Variants in ITPR2 observed in about 807,000 individuals in gnomAD.
The protein encoded by ITPR2 is inositol 1,4,5-trisphosphate receptor type 2.
A neutral mutation model predicts 317.1 loss-of-function variants in ITPR2; 207 were observed. That is an observed-to-expected ratio of 0.65 (90% CI 0.58 to 0.73). The LOEUF (loss-of-function observed/expected upper bound fraction) is 0.73. Ranked by LOEUF, ITPR2 falls within the 30% of genes least tolerant of loss-of-function variation. ITPR2 has a pLI of 0.00. For synonymous variants in ITPR2, 1,156 were observed against 1,149.1 expected, an observed-to-expected ratio of 1.01 and a Z score of -0.12; for missense variants, 2,613 against 3,284.0, an observed-to-expected ratio of 0.80 and a Z score of 4.99.
At chr12:26,730,414 A>T (rs567876455) in intron 2 of ITPR2, among the ~76,000 whole-genome samples, 2 of 152,312 alleles carry the variant, frequency 1.3e-5, no homozygotes, top group South Asian at 4.1e-4. Context: ...ATGGAGTTCA[A>T]TCAGAAATTG....
chr12:26,355,023 A>C (rs1938589349), intron 55 of ITPR2, among the ~76,000 whole-genome samples: 2 of 152,110 alleles, frequency 1.3e-5, no homozygotes, highest in Admixed American at 1.3e-4. Context: ...TAGAAATACA[A>C]ATTTTTAGGC....
intron 1 of ITPR2, among the ~76,000 whole-genome samples, chr12:26,816,266 T>C (rs541034743): frequency 6.6e-6 from 1 of 152,336 alleles, no homozygotes; most frequent in South Asian, 2.1e-4. Context: ...ATGTATTTAA[T>C]ACTTTAGGTA....
intron 21 of ITPR2, among the ~76,000 whole-genome samples, chr12:26,644,569 G>A (rs184889480): frequency 3.3e-5 from 5 of 152,290 alleles, no homozygotes; most frequent in Admixed American, 1.3e-4. Flanking sequence ...GGCAAAGGAG[G>A]GGCAAAGTCA....
chr12:26,759,711 A>C (rs190534657), intron 2 of ITPR2, among the ~76,000 whole-genome samples: 9 of 152,358 alleles, frequency 5.9e-5, no homozygotes, highest in Admixed American at 4.6e-4. Flanking sequence ...GCTTTTGACA[A>C]GCCCGACAAC....
chr12:26,782,252 A>G (rs1465277004), intron 2 of ITPR2, among the ~76,000 whole-genome samples: 1 of 151,732 alleles, frequency 6.6e-6, no homozygotes, highest in Non-Finnish European at 1.5e-5. Context: ...ATTAGACAAA[A>G]CTCAAATGCA....
At chr12:26,397,891 T>C (rs1347177401) in intron 54 of ITPR2, among the ~76,000 whole-genome samples, 1 of 151,754 alleles carries the variant, frequency 6.6e-6, no homozygotes, top group Non-Finnish European at 1.5e-5. Flanking sequence ...AAGAAGAGGA[T>C]AGATTCTAGG....
intron 45 of ITPR2, among the ~76,000 whole-genome samples, chr12:26,454,225 A>G (rs1941821302): frequency 6.6e-6 from 1 of 152,112 alleles, no homozygotes; most frequent in Admixed American, 6.5e-5. Flanking sequence ...TTGTTTTTTG[A>G]GACAGAGTCT....
In ITPR2 at chr12:26,427,964, T is replaced by A. The variant is rs1941111271; in HGVS notation, c.6894A>T (p.Ser2298=). The A allele has an allele frequency of 1.2e-6, 2 of 1,612,384 alleles. No individual in the cohort carries two copies. The highest frequency in any genetic ancestry group is 2.7e-5 in the African/African-American group (2 of 74,852). ...RPFLVSIMLR[S]IYTIGLGPTL... The stretch of plus-strand genomic sequence containing the variant: ...TAGGCCCAAGACCTATTGTATATAT[T>A]GATCTGAGCATTATTGATACAAGAA... Residue 2298 remains serine (S), a synonymous_variant, in exon 49 of 57, where the codon TCA becomes TCT. Transcript: ENST00000381340.
At chr12:26,739,610 C>T (rs1018802439) in intron 2 of ITPR2, among the ~76,000 whole-genome samples, 3 of 152,296 alleles carry the variant, frequency 2.0e-5, no homozygotes, top group Non-Finnish European at 4.4e-5. Flanking sequence ...AAAACTATAG[C>T]ATCCAAAAGA....
At chr12:26,474,471 T>G (rs867544267) in intron 45 of ITPR2, among the ~76,000 whole-genome samples, 1 of 152,204 alleles carries the variant, frequency 6.6e-6, no homozygotes, top group Non-Finnish European at 1.5e-5. Flanking sequence ...GGCACCTGTT[T>G]AAGTTATAAA....
intron 55 of ITPR2, among the ~76,000 whole-genome samples, chr12:26,381,900 A>T (rs1302122160): frequency 6.6e-6 from 1 of 152,206 alleles, no homozygotes; most frequent in Admixed American, 6.5e-5. Flanking sequence ...TTTCAAATTA[A>T]GTACAAATAT....
chr12:26,817,049 C>T (rs886141789), intron 1 of ITPR2, among the ~76,000 whole-genome samples: 2 of 151,806 alleles, frequency 1.3e-5, no homozygotes, highest in Admixed American at 1.3e-4. Context: ...GGCATGGTGG[C>T]ATGCACCTGT....
At chr12:26,673,228 A>G (rs1947829843) in intron 13 of ITPR2, among the ~76,000 whole-genome samples, 1 of 152,192 alleles carries the variant, frequency 6.6e-6, no homozygotes, top group Non-Finnish European at 1.5e-5. Context: ...AAAGCTGGGC[A>G]GAGACACAAC....
Position 26,666,053 on chromosome 12 carries a change from T to A in ITPR2, c.1410-2A>T. On this transcript the variant is annotated splice_acceptor_variant, in intron 13 of 56. Coordinates refer to ENST00000381340, the MANE Select transcript of ITPR2 (RefSeq NM_002223.4). LOFTEE classifies it high-confidence loss of function. The stretch of plus-strand genomic sequence containing the variant: ...TCTTCCAATAATTTGGTTACAAACC[T>A]ATTACAAAATGAAAAGGAAATTTTA... The A allele has an allele frequency of 1.2e-6, 2 of 1,604,216 alleles. No homozygotes were observed. The highest frequency in any genetic ancestry group is 1.7e-6 in the Non-Finnish European group (2 of 1,177,012).
intron 26 of ITPR2, among the ~76,000 whole-genome samples, chr12:26,616,861 G>A (rs1027292272): frequency 3.9e-5 from 6 of 152,182 alleles, no homozygotes; most frequent in African/African-American, 1.4e-4. Context: ...TGAAGATGAT[G>A]AGGATGAAGA....
chr12:26,601,636 C>T (rs764009021), intron 28 of ITPR2, among the ~76,000 whole-genome samples: 1 of 152,078 alleles, frequency 6.6e-6, no homozygotes, highest in Non-Finnish European at 1.5e-5. Flanking sequence ...TGAATATATA[C>T]AAACCCATAC....
At chr12:26,488,155 C>T (rs1002956844) in intron 39 of ITPR2, among the ~76,000 whole-genome samples, 1 of 151,688 alleles carries the variant, frequency 6.6e-6, no homozygotes, top group African/African-American at 2.4e-5. Context: ...CTTATTACTA[C>T]CAAGATTATG....
chr12:26,519,404 C>T lies in ITPR2; in HGVS notation c.5074-24144G>A, dbSNP rs190436652. ...AAAGCTTATAGAAATATAGTACTTA[C>T]ATAAAACAGCAAAAGTCCTATGATT... On this transcript the variant is annotated intron_variant, in intron 37 of 56. Transcript: ENST00000381340. Among the ~76,000 whole-genome samples, 5 of 152,266 alleles carry T rather than the reference C, an allele frequency of 3.3e-5. No homozygotes were observed. In the East Asian group the frequency reaches 7.7e-4, roughly 23 times the overall value.
At position 26,475,357 on chromosome 12, in the gene ITPR2, C is replaced by G. The variant is rs751212031; in HGVS notation, c.6281G>C (p.Gly2094Ala). The change falls in exon 45 of 57, where the codon GGT (glycine) becomes GCT (alanine). Residue 2094 changes from glycine (G) to alanine (A), a missense_variant. Physicochemically the swap from Gly to Ala is moderately conservative, Grantham distance 60. Transcript: ENST00000381340. ...GLECDHGDDEGGDDGVSPKDV... is the reference protein window; with the variant it reads ...GLECDHGDDEAGDDGVSPKDV... ...TTTTGGAGAAACACCATCATCTCCA[C>G]CCTCATCATCCCCATGGTCACATTC... 54 of 1,613,448 alleles carry G rather than the reference C, an allele frequency of 3.3e-5. No individual in the cohort carries two copies. The Middle Eastern group carries it at 9.9e-4, about 29-fold the overall frequency.
Sources: allele counts gnomAD v4.1 joint callset (sites outside exome capture counted in the v4.1 genomes callset), GRCh38; gene constraint gnomAD v4.1.1; transcripts MANE v1.5; gene names NCBI Gene and HGNC (gene_info 2026-07-23, HGNC 2026-07-21).